The following PCDHGA5 variants were observed in gnomAD, a reference collection of about 807,000 sequenced individuals.
PCDHGA5 encodes the protein protocadherin gamma-A5.
Under a neutral mutation model 56.7 loss-of-function variants are expected in PCDHGA5, and 36 were observed. That is an observed-to-expected ratio of 0.64 (90% CI 0.49 to 0.84). PCDHGA5 has a LOEUF of 0.84. Among genes scored for constraint, PCDHGA5 ranks in the 40% least tolerant of loss-of-function variants. The pLI is 0.00. For synonymous variants in PCDHGA5, 563 were observed against 520.2 expected (o/e 1.08, Z -1.12); for missense variants, 1,305 against 1,201.5 (o/e 1.09, Z -1.27).
rs143168452 is a variant in PCDHGA5 at position 141,504,127 on chromosome 5, C to T, written c.2481-1266C>T. Among the ~76,000 whole-genome samples the T allele has an allele frequency of 1.3e-3, 195 of 152,220 alleles. 2 individuals carry two copies. The highest frequency in any genetic ancestry group is 4.4e-3 in the African/African-American group (181 of 41,520). On this transcript the variant is annotated intron_variant, in intron 2 of 3. Transcript: ENST00000518069. ...CTGTGTGTGTGCCAGGGCTGTTTCC[C>T]GCCAACACTCCCCTGCAAATTGAAA...
chr5:141,512,241 G>A lies in PCDHGA5; in HGVS notation c.*1068G>A, dbSNP rs533051658. On this transcript the variant is annotated 3_prime_UTR_variant, in exon 4 of 4. Coordinates refer to ENST00000518069, the MANE Select transcript of PCDHGA5 (RefSeq NM_018918.3). ...CCAGGTCCCCTTGAGAGGTCAGAGGGGCCTCTGTGGGTGCTGGGTACTCCA... is the reference window on the plus strand; with the variant it reads ...CCAGGTCCCCTTGAGAGGTCAGAGGAGCCTCTGTGGGTGCTGGGTACTCCA... 1 of 152,866 alleles carries A rather than the reference G, an allele frequency of 6.5e-6. No individual in the cohort carries two copies. The highest frequency in any genetic ancestry group is 2.1e-4 in the South Asian group (1 of 4,824). 9.5% of individuals were successfully genotyped at this position (152,866 alleles called of 1,614,324 possible).
At position 141,512,350 on chromosome 5, in the gene PCDHGA5, G is replaced by C. The variant is rs1406428686; in HGVS notation, c.*1177G>C. ...CCATTCTTAGTCCCTGGGTTGGGGA[G>C]GCAGGGAGCTAGGGCAGGGACCAAA... is the stretch of plus-strand genomic sequence containing the variant. On this transcript the variant is annotated 3_prime_UTR_variant, in exon 4 of 4. Transcript: ENST00000518069. The C allele has an allele frequency of 6.5e-6, 1 of 152,906 alleles. No homozygotes were observed. The highest frequency in any genetic ancestry group is 1.9e-4 in the East Asian group (1 of 5,208). 9.5% of individuals were successfully genotyped at this position (152,906 alleles called of 1,614,324 possible).
intron 1 of PCDHGA5, chr5:141,383,589 G>A (rs1199547727): frequency 1.2e-6 from 2 of 1,613,716 alleles, no homozygotes; most frequent in Admixed American, 3.3e-5. Context: ...ACATCCAGGT[G>A]ACAGTGGTGG....
In PCDHGA5 at chr5:141,398,686, G is replaced by A. The variant is rs2093688431; in HGVS notation, c.2421+31935G>A. On this transcript the variant is annotated intron_variant, in intron 1 of 3. Coordinates refer to ENST00000518069, the MANE Select transcript of PCDHGA5 (RefSeq NM_018918.3). ...CTCATTAATAATTAAGGAGAAACAG[G>A]ATGGTAGTAAATACCCGGAACTGGC... 3 of 1,613,920 alleles carry A rather than the reference G, an allele frequency of 1.9e-6. No individual in the cohort carries two copies. The East Asian group carries it at 6.7e-5, about 36-fold the overall frequency.
At chr5:141,439,774 T>G (rs1435214431) in intron 1 of PCDHGA5, 2 of 152,364 alleles carry the variant, frequency 1.3e-5, no homozygotes, top group East Asian at 3.9e-4. Context: ...CCTTCTTGGC[T>G]GGAGATTCTA....
intron 2 of PCDHGA5, among the ~76,000 whole-genome samples, chr5:141,495,521 C>G (rs1385879589): frequency 6.6e-6 from 1 of 152,144 alleles, no homozygotes; most frequent in Non-Finnish European, 1.5e-5. Flanking sequence ...TTTCTCTTAC[C>G]TCTCAGTCCT....
intron 1 of PCDHGA5, among the ~76,000 whole-genome samples, chr5:141,449,339 G>T (rs1307731679): frequency 6.6e-6 from 1 of 151,930 alleles, no homozygotes; most frequent in Non-Finnish European, 1.5e-5. Context: ...AGGTGCAGTG[G>T]CTCACTCCTG....
intron 1 of PCDHGA5, chr5:141,414,621 C>G: frequency 6.2e-7 from 1 of 1,613,996 alleles, no homozygotes; most frequent in Non-Finnish European, 8.5e-7. Flanking sequence ...CAGCGCTGGA[C>G]CCGGACAGCA....
rs199519740 is a variant in PCDHGA5 at position 141,394,287 on chromosome 5, A to C, written c.2421+27536A>C. On this transcript the variant is annotated intron_variant, in intron 1 of 3. Transcript: ENST00000518069. ...GAATGCCCAGGTCACTTACTCTGTG[A>C]CCGAGGACACGCTGCAGGGGGCGCC... 122 of 1,613,772 alleles carry C rather than the reference A, an allele frequency of 7.6e-5. No individual in the cohort carries two copies. Among genetic ancestry groups the C allele is most frequent in the Non-Finnish European group, 9.6e-5 (113 of 1,179,878 alleles).
Position 141,431,325 on chromosome 5 carries a change from G to GT in PCDHGA5, c.2422-63481dup, listed in dbSNP as rs1340996903. On this transcript the variant is annotated intron_variant, in intron 1 of 3. Transcript: ENST00000518069. This position sits in a 1 kb window ranked among gnomAD's most constrained non-coding sequence, Gnocchi z 4.8. ...ATCGTGCAAAATGGAGCCGACGGTA[G>GT]TAAGTACCCCGAATTGGTGCTGAAA... 22 of 1,614,028 alleles carry GT rather than the reference G, an allele frequency of 1.4e-5. No homozygotes were observed. In the Admixed American group the frequency reaches 2.5e-4, roughly 18 times the overall value.
At position 141,487,855 on chromosome 5, in the gene PCDHGA5, A is replaced by G. The variant is rs1033833406; in HGVS notation, c.2422-6952A>G. The G allele has an allele frequency of 2.1e-6, 2 of 974,092 alleles. No homozygotes were observed. Among genetic ancestry groups the G allele is most frequent in the Non-Finnish European group, 3.0e-6 (2 of 668,870 alleles). The allele number at this position is 974,092 out of a possible 1,614,324, so 60.3% of individuals were successfully genotyped here. Reference sequence around the variant, plus strand: ...TATATCTGAGTAAGAAATGAAAGTAATTGGTGATCAAGAGCCAGGCTGTTG... The same window carrying G: ...TATATCTGAGTAAGAAATGAAAGTAGTTGGTGATCAAGAGCCAGGCTGTTG... On this transcript the variant is annotated intron_variant, in intron 1 of 3. Transcript: ENST00000518069. The surrounding 1 kb of genome is among the most constrained non-coding windows in gnomAD (Gnocchi z 5.0).
chr5:141,451,593 C>A (rs2098719809), intron 1 of PCDHGA5, among the ~76,000 whole-genome samples: 1 of 152,042 alleles, frequency 6.6e-6, no homozygotes, highest in African/African-American at 2.4e-5. Context: ...TTGAAAGTGA[C>A]ATACAAGGCT....
chr5:141,391,176 T>C (rs562307508), intron 1 of PCDHGA5: 1 of 152,322 alleles, frequency 6.6e-6, no homozygotes, highest in African/African-American at 2.4e-5. Context: ...ACTGCCAATC[T>C]GGTGTGCATA....
At chr5:141,445,538 G>A (rs1188324168) in intron 1 of PCDHGA5, among the ~76,000 whole-genome samples, 1 of 152,168 alleles carries the variant, frequency 6.6e-6, no homozygotes, top group African/African-American at 2.4e-5. Flanking sequence ...AGCCAACAAG[G>A]AGAAATACAA....
At chr5:141,404,326 A>G in intron 1 of PCDHGA5, 2 of 1,613,904 alleles carry the variant, frequency 1.2e-6, no homozygotes, top group Non-Finnish European at 1.7e-6. Context: ...CCTCCTACTC[A>G]GTCTACCTCC....
Position 141,485,778 on chromosome 5 carries a change from G to C in PCDHGA5, c.2422-9029G>C. 1 of 1,614,216 alleles carries C rather than the reference G, an allele frequency of 6.2e-7. No homozygotes were observed. Among genetic ancestry groups the C allele is most frequent in the Non-Finnish European group, 8.5e-7 (1 of 1,180,048 alleles). On this transcript the variant is annotated intron_variant, in intron 1 of 3. Transcript: ENST00000518069. The surrounding 1 kb of genome is among the most constrained non-coding windows in gnomAD (Gnocchi z 5.7). ...CTGCTCCTGGAGAAGCCTTTGGATCGAGAGAAGCAATCGGACTACCGCCTG... is the reference window on the plus strand; with the variant it reads ...CTGCTCCTGGAGAAGCCTTTGGATCCAGAGAAGCAATCGGACTACCGCCTG...
chr5:141,510,862 C>CATTCA, intron 3 of PCDHGA5, 85 bp from the exon 4 acceptor site: 1 of 1,606,772 alleles, frequency 6.2e-7, no homozygotes, highest in South Asian at 1.1e-5. Flanking sequence ...GCTGTATAGG[C>CATTCA]ATTCATTAAC....
chr5:141,377,011 C>T (rs911303450), intron 1 of PCDHGA5: 6 of 155,270 alleles, frequency 3.9e-5, no homozygotes, highest in Non-Finnish European at 5.7e-5. Context: ...TATTGGTTGA[C>T]AGGAAAATTC....
chr5:141,477,211 C>G lies in PCDHGA5; in HGVS notation c.2422-17596C>G. 2 of 1,614,154 alleles carry G rather than the reference C, an allele frequency of 1.2e-6. No individual in the cohort carries two copies. Among genetic ancestry groups the G allele is most frequent in the Non-Finnish European group, 1.7e-6 (2 of 1,180,036 alleles). On this transcript the variant is annotated intron_variant, in intron 1 of 3. Transcript: ENST00000518069. The surrounding 1 kb of genome is among the most constrained non-coding windows in gnomAD (Gnocchi z 4.9). ...TGTACAGCCCAGTACCCGAGGATGC[C>G]CCTCTGGGGACTGTCATCGCTTTGC...
Sources: allele counts gnomAD v4.1 joint callset (sites outside exome capture counted in the v4.1 genomes callset), GRCh38; gene constraint gnomAD v4.1.1; non-coding constraint Gnocchi (gnomAD v3.1); transcripts MANE v1.5; gene names NCBI Gene and HGNC (gene_info 2026-07-23, HGNC 2026-07-21).